The following TMEM17 variants were observed in gnomAD, a reference collection of about 807,000 sequenced individuals.
The protein encoded by TMEM17 is transmembrane protein 17.
TMEM17 carries 15 observed loss-of-function variants against 19.1 expected under a neutral mutation model. The ratio of observed to expected loss-of-function variants is 0.78; its 90% confidence interval spans 0.52 to 1.21. TMEM17 has a LOEUF of 1.21. TMEM17 is among the 50% of genes most tolerant of loss of function. TMEM17 has a pLI of 0.00. For synonymous variants in TMEM17, 103 were observed against 86.9 expected (o/e 1.19, Z -1.03); for missense variants, 245 against 242.3 (o/e 1.01, Z -0.07).
chr2:62,464,668 C>T, the TMEM17 span, among the ~76,000 whole-genome samples: 1 of 152,210 alleles, frequency 6.6e-6, no homozygotes, highest in African/African-American at 2.4e-5. Flanking sequence ...CACGTACAGC[C>T]GGCTGTGTGG....
chr2:62,492,212 CA>C, the TMEM17 span, among the ~76,000 whole-genome samples: 1 of 152,154 alleles, frequency 6.6e-6, no homozygotes, highest in Non-Finnish European at 1.5e-5. Context: ...TCTTTGGAAC[CA>C]GACAAGGTTA....
chr2:62,458,932 T>A, the TMEM17 span, among the ~76,000 whole-genome samples: 1 of 152,224 alleles, frequency 6.6e-6, no homozygotes, highest in African/African-American at 2.4e-5. Context: ...TGAAGTAAAC[T>A]TGGCCTCAGT....
At chr2:62,461,211 C>G in the TMEM17 span, among the ~76,000 whole-genome samples, 3 of 152,240 alleles carry the variant, frequency 2.0e-5, no homozygotes, top group South Asian at 2.1e-4. Context: ...AGGTCCTGAA[C>G]TCTGCTCCCT....
the TMEM17 span, among the ~76,000 whole-genome samples, chr2:62,481,698 GGTGTGTGTGTGTGTGTGTGT>G: frequency 3.5e-5 from 5 of 144,160 alleles, no homozygotes; most frequent in South Asian, 9.3e-4. Context: ...ACCCCTTAAA[GGTGTGTGTGTGTGTGTGTGT>G]GTGTGTGTGT....
rs760406692 is a variant in TMEM17, at chr2:62,506,176, C to T, written c.-47G>A. The T allele has an allele frequency of 4.6e-6, 7 of 1,508,552 alleles. No individual in the cohort carries two copies. The highest frequency in any genetic ancestry group is 5.2e-5 in the East Asian group (2 of 38,700). 93.4% of individuals were successfully genotyped at this position (1,508,552 alleles called of 1,614,324 possible). ...ACCCCCTCAGACACGGGCTAGTCTG[C>T]GGGCGCTCCGAGGCTCCGTGGTTCC... On this transcript the variant is annotated 5_prime_UTR_variant, in exon 1 of 4. Transcript: ENST00000335390.
At chr2:62,489,813 A>C in the TMEM17 span, among the ~76,000 whole-genome samples, 1 of 152,116 alleles carries the variant, frequency 6.6e-6, no homozygotes, top group East Asian at 1.9e-4. Context: ...TAAAACAAAA[A>C]CCTTGCATCA....
chr2:62,483,306 G>A, the TMEM17 span, among the ~76,000 whole-genome samples: 1 of 152,146 alleles, frequency 6.6e-6, no homozygotes, highest in Non-Finnish European at 1.5e-5. Context: ...AATTCCCTTT[G>A]GAAACAAAGG....
chr2:62,456,367 C>A, the TMEM17 span, among the ~76,000 whole-genome samples: 3 of 152,342 alleles, frequency 2.0e-5, no homozygotes, highest in Admixed American at 1.3e-4. Context: ...GCCTCTTACC[C>A]ATCTTCAAAG....
the TMEM17 span, among the ~76,000 whole-genome samples, chr2:62,482,301 G>A: frequency 6.6e-6 from 1 of 152,158 alleles, no homozygotes; most frequent in African/African-American, 2.4e-5. Context: ...TTATTGTTCT[G>A]CAAAATATTA....
chr2:62,457,997 T>G, the TMEM17 span, among the ~76,000 whole-genome samples: 1 of 152,208 alleles, frequency 6.6e-6, no homozygotes, highest in Admixed American at 6.5e-5. This position sits in a 1 kb window ranked among gnomAD's most constrained non-coding sequence, Gnocchi z 4.2. Context: ...TAGATCTGAC[T>G]TTGCTACTAG....
the TMEM17 span, among the ~76,000 whole-genome samples, chr2:62,478,506 G>A: frequency 6.6e-6 from 1 of 152,202 alleles, no homozygotes; most frequent in African/African-American, 2.4e-5. Context: ...TGGATGTGAT[G>A]GACACCCTCA....
the TMEM17 span, chr2:62,463,280 G>A: frequency 6.6e-6 from 1 of 152,366 alleles, no homozygotes; most frequent in South Asian, 2.1e-4. Context: ...TTTGGTGCCT[G>A]AGTTCTGACT....
the TMEM17 span, among the ~76,000 whole-genome samples, chr2:62,458,340 C>T: frequency 6.6e-6 from 1 of 152,234 alleles, no homozygotes; most frequent in African/African-American, 2.4e-5. Flanking sequence ...CAGCGCATGT[C>T]CTCACAGGAC....
At chr2:62,465,214 A>T in the TMEM17 span, among the ~76,000 whole-genome samples, 4 of 152,228 alleles carry the variant, frequency 2.6e-5, no homozygotes, top group African/African-American at 9.6e-5. Context: ...CTTGGAAGTG[A>T]GAAGCAAGAT....
chr2:62,462,914 GC>G, the TMEM17 span, among the ~76,000 whole-genome samples: 1 of 152,140 alleles, frequency 6.6e-6, no homozygotes, highest in Non-Finnish European at 1.5e-5. Flanking sequence ...CAGAGGCCCT[GC>G]CCACATTTTT....
At chr2:62,464,140 G>C in the TMEM17 span, 2,486 of 152,378 alleles carry the variant, frequency 0.016, 36 homozygotes, top group Middle Eastern at 0.065. Context: ...GTGTGGATAT[G>C]AAAGGCTGCC....
the TMEM17 span, among the ~76,000 whole-genome samples, chr2:62,458,041 C>T: frequency 6.6e-6 from 1 of 152,334 alleles, no homozygotes; most frequent in South Asian, 2.1e-4. Flanking sequence ...CACTTCGCTC[C>T]TTTCTACCTG....
the TMEM17 span, among the ~76,000 whole-genome samples, chr2:62,482,530 C>T: frequency 1.3e-5 from 2 of 152,178 alleles, no homozygotes; most frequent in Admixed American, 1.3e-4. Context: ...TACCCTTAGT[C>T]AGAGGGATGA....
At chr2:62,499,622 G>A (rs1679867079), downstream of TMEM17, among the ~76,000 whole-genome samples, 2 of 152,142 alleles carry the variant, frequency 1.3e-5, no homozygotes, top group Non-Finnish European at 2.9e-5. Flanking sequence ...TGAGTGGGAA[G>A]TAAAGACATT....
Sources: allele counts gnomAD v4.1 joint callset (sites outside exome capture counted in the v4.1 genomes callset), GRCh38; gene constraint gnomAD v4.1.1; non-coding constraint Gnocchi (gnomAD v3.1); transcripts MANE v1.5; gene names NCBI Gene and HGNC (gene_info 2026-07-23, HGNC 2026-07-21).